EPHX3: variants seen among roughly 807,000 people sequenced by gnomAD.
The protein encoded by EPHX3 is abhydrolase domain containing 9.
Under a neutral mutation model 40.2 loss-of-function variants are expected in EPHX3, and 39 were observed. The ratio of observed to expected loss-of-function variants is 0.97; its 90% CI spans 0.75 to 1.27. EPHX3 has a LOEUF of 1.27. Among genes scored for constraint, EPHX3 ranks in the 50% most tolerant of loss-of-function variants. The pLI is 0.00. For synonymous variants in EPHX3, 213 were observed against 209.7 expected, an observed-to-expected ratio of 1.02 and a Z score of -0.14; for missense variants, 442 against 474.0, an observed-to-expected ratio of 0.93 and a Z score of 0.63.
At chr19:15,227,691 CAG>C in intron 6 of EPHX3, 29 bp from the exon 7 acceptor site, 2 of 1,611,874 alleles carry the variant, frequency 1.2e-6, no homozygotes, top group Non-Finnish European at 1.7e-6. Context: ...GACAGGCAGA[CAG>C]ACAGGCAGAA....
At chr19:15,236,462 C>G (rs951539610), upstream of EPHX3, 1 of 146,414 alleles carries the variant, frequency 6.8e-6, no homozygotes, top group Non-Finnish European at 1.5e-5. Context: ...TAGGTTGAGG[C>G]AGGCAAGGTG....
upstream of EPHX3, chr19:15,232,977 G>A (rs1037050808): frequency 2.0e-5 from 3 of 152,146 alleles, no homozygotes; most frequent in Non-Finnish European, 2.9e-5. Flanking sequence ...GTGAGGGGCG[G>A]GGCATATGCA....
chr19:15,232,307 C>T lies in EPHX3; in HGVS notation c.-96G>A, dbSNP rs891042849. The T allele has an allele frequency of 5.0e-6, 7 of 1,388,560 alleles. No homozygotes were observed. The East Asian group carries it at 1.8e-4, about 35-fold the overall frequency. 86.0% of individuals were successfully genotyped at this position (1,388,560 alleles called of 1,614,324 possible). A position where few individuals can be genotyped will look rare whatever the true frequency, so the allele number is the denominator to read the frequency against. ...GGGCTCAGGGGCCCATCGCCCTTGG[C>T]CTGGGGCCCCTCCGTGCCGTCGGGA... On this transcript the variant is annotated 5_prime_UTR_variant, in exon 1 of 7. Transcript: ENST00000221730.
chr19:15,234,926 TG>T (rs1452113964), upstream of EPHX3, among the ~76,000 whole-genome samples: 18 of 152,240 alleles, frequency 1.2e-4, no homozygotes, highest in Non-Finnish European at 1.9e-4. Flanking sequence ...TACAAACTTT[TG>T]TTCTCCCTGG....
At chr19:15,234,178 T>C (rs1337059551), upstream of EPHX3, among the ~76,000 whole-genome samples, 2 of 152,166 alleles carry the variant, frequency 1.3e-5, no homozygotes, top group African/African-American at 4.8e-5. Context: ...TAAGTCTAAG[T>C]AGCATAATCA....
intron 4 of EPHX3, among the ~76,000 whole-genome samples, chr19:15,230,417 G>A (rs935403358): frequency 4.6e-5 from 7 of 151,994 alleles, no homozygotes; most frequent in Non-Finnish European, 7.4e-5. Flanking sequence ...GCAATCCACC[G>A]GCTTTGGCCT....
intron 4 of EPHX3, among the ~76,000 whole-genome samples, chr19:15,228,503 A>ATT (rs780716729): frequency 0.012 from 756 of 62,754 alleles, 46 homozygotes; most frequent in Middle Eastern, 0.017. Context: ...TGTATCTATA[A>ATT]TTTTTTTTTT....
chr19:15,230,149 T>C (rs1325812364), intron 4 of EPHX3, among the ~76,000 whole-genome samples: 1 of 151,958 alleles, frequency 6.6e-6, no homozygotes, highest in Admixed American at 6.6e-5. Context: ...GGATTACTCC[T>C]AAGTGTATTG....
chr19:15,228,307 G>T (rs1402592489), intron 4 of EPHX3, among the ~76,000 whole-genome samples: 1 of 151,942 alleles, frequency 6.6e-6, no homozygotes, highest in Non-Finnish European at 1.5e-5. Flanking sequence ...CACAGGATGG[G>T]GGCATCTCCT....
At position 15,231,985 on chromosome 19, in the gene EPHX3, C is replaced by A; in HGVS notation, c.227G>T (p.Gly76Val). The change falls in exon 1 of 7, where the codon GGT becomes GTT. Residue 76 changes from glycine (G) to valine (V), a missense_variant. Physicochemically the swap from Gly to Val is moderately radical, Grantham distance 109. Transcript: ENST00000221730. ...CLSDPSLGEH[G>V]FLNLKSSGLR... Reference sequence around the variant, plus strand: ...TGCGATCACCTTGAGGTTCAGGAAACCGTGCTCACCCAGCGAGGGGTCGCT... The same window carrying A: ...TGCGATCACCTTGAGGTTCAGGAAAACGTGCTCACCCAGCGAGGGGTCGCT... 3 of 1,610,680 alleles carry A rather than the reference C, an allele frequency of 1.9e-6. No individual in the cohort carries two copies. The South Asian group carries it at 3.3e-5, about 18-fold the overall frequency.
Position 15,227,363 on chromosome 19 carries a change from C to A in EPHX3, c.*74G>T. 1 of 1,259,826 alleles carries A rather than the reference C, an allele frequency of 7.9e-7. No individual in the cohort carries two copies. The highest frequency in any genetic ancestry group is 1.2e-5 in the South Asian group (1 of 81,524). The allele number at this position is 1,259,826 out of a possible 1,614,324, so 78.0% of individuals were successfully genotyped here. ...CCATGTATGGACATTGTATGGACTCCCAGGCACACACAGATAATGGGTGTG... is the reference window on the plus strand; with the variant it reads ...CCATGTATGGACATTGTATGGACTCACAGGCACACACAGATAATGGGTGTG... On this transcript the variant is annotated 3_prime_UTR_variant, in exon 7 of 7. Coordinates refer to ENST00000221730, the MANE Select transcript of EPHX3 (RefSeq NM_024794.3).
chr19:15,227,367 G>T lies in EPHX3; in HGVS notation c.*70C>A. 7.9e-7 allele frequency: 1 copy of T among 1,270,368 alleles called. No individual in the cohort carries two copies. The highest frequency in any genetic ancestry group is 1.1e-6 in the Non-Finnish European group (1 of 874,206). The allele number at this position is 1,270,368 out of a possible 1,614,324, so 78.7% of individuals were successfully genotyped here. A position where few individuals can be genotyped will look rare whatever the true frequency, so the allele number is the denominator to read the frequency against. On this transcript the variant is annotated 3_prime_UTR_variant, in exon 7 of 7. Coordinates refer to ENST00000221730, the MANE Select transcript of EPHX3 (RefSeq NM_024794.3). ...GTATGGACATTGTATGGACTCCCAG[G>T]CACACACAGATAATGGGTGTGTGTT...
Position 15,227,612 on chromosome 19 carries a change from C to T in EPHX3, c.908G>A (p.Trp303Ter), listed in dbSNP as rs573560159. The T allele has an allele frequency of 2.7e-5, 44 of 1,614,014 alleles. No homozygotes were observed. The highest frequency in any genetic ancestry group is 2.1e-4 in the South Asian group (19 of 91,088). Residue 303 changes from tryptophan (W) to a stop codon, truncating the protein, a stop_gained, in exon 7 of 7, where the codon TGG (tryptophan) becomes TAG (stop). Coordinates refer to ENST00000221730, the MANE Select transcript of EPHX3 (RefSeq NM_024794.3). LOFTEE classifies it high-confidence loss of function. ...QELTTPTLLL[W>*]GEKDTYLELG... ...CTCCAAGTAAGTGTCCTTCTCCCCC[C>T]ACAGCAGCAATGTGGGTGTGGTCAG... is the stretch of plus-strand genomic sequence containing the variant.
intron 3 of EPHX3, 21 bp downstream of exon 3, chr19:15,231,218 A>G: frequency 6.2e-7 from 1 of 1,613,738 alleles, no homozygotes; most frequent in South Asian, 1.1e-5. Context: ...GGCCACGCCT[A>G]GGATGGGGGT....
At chr19:15,235,186 T>C (rs138932899), upstream of EPHX3, among the ~76,000 whole-genome samples, 1,003 of 152,194 alleles carry the variant, frequency 6.6e-3, 27 homozygotes, top group East Asian at 0.049. Flanking sequence ...TATTTTTCAG[T>C]AGAGATGGGA....
chr19:15,233,208 T>A (rs1335389666), upstream of EPHX3: 1 of 152,154 alleles, frequency 6.6e-6, no homozygotes, highest in Admixed American at 6.6e-5. Context: ...CGGGACCTAA[T>A]ATGGCGGGTC....
At chr19:15,228,243 T>C in intron 4 of EPHX3, 143 bp from the exon 5 acceptor site, 1 of 657,252 alleles carries the variant, frequency 1.5e-6, no homozygotes, top group Non-Finnish European at 2.6e-6. Flanking sequence ...AGGTACTAGA[T>C]ACCCCTCCTG....
upstream of EPHX3, chr19:15,232,530 G>C (rs1201120985): frequency 2.2e-6 from 2 of 890,754 alleles, no homozygotes; most frequent in Non-Finnish European, 2.9e-6. Context: ...GCGGGGCTTA[G>C]GGCCGGGGCG....
chr19:15,231,528 C>CAGGCAG (rs932268830), intron 2 of EPHX3, 132 bp from the exon 3 acceptor site: 11 of 1,254,050 alleles, frequency 8.8e-6, no homozygotes, highest in African/African-American at 6.0e-5. Flanking sequence ...TGGGGAATCC[C>CAGGCAG]AGGCAGAGGC....
Sources: gnomAD v4.1 joint callset for allele counts (sites outside exome capture counted in the v4.1 genomes callset) on GRCh38, gnomAD v4.1.1 for gene constraint, MANE v1.5 for transcripts, NCBI Gene and HGNC (gene_info 2026-07-23, HGNC 2026-07-21) for gene names.